STAU2: variants seen among roughly 807,000 people sequenced by gnomAD.
STAU2 encodes the protein staufen double-stranded RNA binding protein 2.
Under a neutral mutation model 65.9 loss-of-function variants are expected in STAU2, and 20 were observed. That is an observed-to-expected ratio of 0.30 (90% CI 0.21 to 0.44). The LOEUF is 0.44. Among genes scored for constraint, STAU2 ranks in the 20% least tolerant of loss-of-function variants. The probability of loss-of-function intolerance (pLI) is 1.00; values close to 1 mark genes in which losing one functional copy is unlikely to be tolerated. For synonymous variants in STAU2, 232 were observed against 233.9 expected (o/e 0.99, Z 0.07); for missense variants, 558 against 683.9 (o/e 0.82, Z 2.05).
chr8:73,628,665 C>A (rs897833528), intron 6 of STAU2, among the ~76,000 whole-genome samples: 1 of 152,090 alleles, frequency 6.6e-6, no homozygotes, highest in Admixed American at 6.6e-5. Context: ...ATTAAGTCCA[C>A]AAGCATATGT....
intron 13 of STAU2, among the ~76,000 whole-genome samples, chr8:73,516,770 CTT>C (rs1044574220): frequency 6.6e-6 from 1 of 152,122 alleles, no homozygotes; most frequent in African/African-American, 2.4e-5. Context: ...AGGTAATACT[CTT>C]TAGGTTGTAA....
intron 6 of STAU2, among the ~76,000 whole-genome samples, chr8:73,621,746 C>T (rs1280465816): frequency 6.6e-6 from 1 of 152,100 alleles, no homozygotes; most frequent in Non-Finnish European, 1.5e-5. Context: ...AATGAAGATT[C>T]CTGTGATCCA....
At chr8:73,609,643 A>C (rs1812301411) in intron 9 of STAU2, among the ~76,000 whole-genome samples, 2 of 152,098 alleles carry the variant, frequency 1.3e-5, no homozygotes, top group Non-Finnish European at 2.9e-5. Context: ...ACAGAGCGAG[A>C]CCCTGTCTCA....
chr8:73,616,829 T>C (rs1380403988), intron 7 of STAU2, among the ~76,000 whole-genome samples: 1 of 151,640 alleles, frequency 6.6e-6, no homozygotes, highest in Non-Finnish European at 1.5e-5. Flanking sequence ...ATGCTATGTA[T>C]AGGACATGCC....
chr8:73,465,634 G>A (rs1167806018), intron 13 of STAU2, among the ~76,000 whole-genome samples: 1 of 152,150 alleles, frequency 6.6e-6, no homozygotes, highest in African/African-American at 2.4e-5. Flanking sequence ...GACTGATGCT[G>A]AACACCAATC....
chr8:73,509,391 TTC>T (rs1822257146), intron 13 of STAU2, among the ~76,000 whole-genome samples: 1 of 152,170 alleles, frequency 6.6e-6, no homozygotes, highest in Non-Finnish European at 1.5e-5. Flanking sequence ...CTACATACAA[TTC>T]ATTAATCAAA....
chr8:73,634,474 G>A (rs764527436), intron 6 of STAU2, among the ~76,000 whole-genome samples: 1 of 152,106 alleles, frequency 6.6e-6, no homozygotes, highest in African/African-American at 2.4e-5. Flanking sequence ...GACATAGTAA[G>A]CTGAGATTGC....
At chr8:73,532,125 A>C (rs867154949) in intron 13 of STAU2, among the ~76,000 whole-genome samples, 1 of 152,226 alleles carries the variant, frequency 6.6e-6, no homozygotes, top group Non-Finnish European at 1.5e-5. Context: ...AACCAACATT[A>C]ACATTGAAAT....
In STAU2 at chr8:73,704,511, A is replaced by T. The variant is rs967608469; in HGVS notation, c.114+4521T>A. On this transcript the variant is annotated intron_variant, in intron 4 of 14. Transcript: ENST00000524300. ...CGCTATTTTTTTAAAGGTCCTTATC[A>T]GTTACAGATGCATACCAAAGCACTT... 6.9e-4 allele frequency among the ~76,000 whole-genome samples: 105 copies of T among 152,220 alleles called. 1 individual carries two copies. The highest frequency in any genetic ancestry group is 1.5e-3 in the Admixed American group (23 of 15,284).
At chr8:73,525,343 CA>C (rs1275706252) in intron 13 of STAU2, among the ~76,000 whole-genome samples, 2 of 152,200 alleles carry the variant, frequency 1.3e-5, no homozygotes, top group Non-Finnish European at 2.9e-5. Flanking sequence ...CTGCACACCT[CA>C]ATGGGGTGCA....
intron 6 of STAU2, among the ~76,000 whole-genome samples, chr8:73,654,688 T>C (rs1816199791): frequency 8.0e-6 from 1 of 125,052 alleles, no homozygotes; most frequent in African/African-American, 2.9e-5. Context: ...CAAACCTTTT[T>C]TTTTTTTTTT....
intron 3 of STAU2, chr8:73,727,779 G>A (rs143613452): frequency 7.2e-5 from 11 of 152,286 alleles, no homozygotes; most frequent in African/African-American, 2.6e-4. Context: ...GTTCCTTTGA[G>A]GAATTGTCAA....
intron 3 of STAU2, 104 bp downstream of exon 3, chr8:73,738,180 T>G: frequency 4.9e-6 from 5 of 1,012,684 alleles, no homozygotes; most frequent in Non-Finnish European, 7.7e-6. Flanking sequence ...TAAAAAGTGA[T>G]GAGTCAGGTT....
At chr8:73,554,959 T>C (rs1386316477) in intron 12 of STAU2, among the ~76,000 whole-genome samples, 1 of 152,244 alleles carries the variant, frequency 6.6e-6, no homozygotes, top group East Asian at 1.9e-4. Flanking sequence ...ATTGTTCGGT[T>C]ACACACATGC....
chr8:73,587,857 T>A (rs1810486155), intron 11 of STAU2, among the ~76,000 whole-genome samples: 1 of 152,158 alleles, frequency 6.6e-6, no homozygotes, highest in African/African-American at 2.4e-5. Context: ...TTTTGGTATT[T>A]TAAATTATAA....
At chr8:73,427,722 T>A (rs1816929414) in intron 13 of STAU2, among the ~76,000 whole-genome samples, 4 of 152,252 alleles carry the variant, frequency 2.6e-5, no homozygotes, top group Admixed American at 2.6e-4. Context: ...ACTTGTAGGC[T>A]CCAAGGACCA....
chr8:73,429,915 T>C (rs1290975502), intron 13 of STAU2, among the ~76,000 whole-genome samples: 2 of 152,212 alleles, frequency 1.3e-5, no homozygotes, highest in African/African-American at 4.8e-5. Context: ...GGGTTGATTG[T>C]TTTGTGGGGA....
At chr8:73,676,580 G>T (rs565013935) in intron 5 of STAU2, among the ~76,000 whole-genome samples, 14 of 152,174 alleles carry the variant, frequency 9.2e-5, no homozygotes, top group African/African-American at 3.4e-4. Flanking sequence ...CACTAAACAA[G>T]AATTTTGTTT....
intron 13 of STAU2, chr8:73,550,359 A>C (rs1807246452): frequency 2.0e-6 from 2 of 983,874 alleles, no homozygotes; most frequent in African/African-American, 3.5e-5. Flanking sequence ...GTCATTGCCA[A>C]GAGCTTAGAA....
Sources: gnomAD v4.1 joint callset for allele counts (sites outside exome capture counted in the v4.1 genomes callset) on GRCh38, gnomAD v4.1.1 for gene constraint, MANE v1.5 for transcripts, NCBI Gene and HGNC (gene_info 2026-07-23, HGNC 2026-07-21) for gene names.